MYH11: variants seen among roughly 807,000 people sequenced by gnomAD.
MYH11 encodes the protein myosin-11.
MYH11 carries 80 observed loss-of-function variants against 246.6 expected under a neutral mutation model. That is an observed-to-expected ratio of 0.32 (90% CI 0.27 to 0.39). MYH11 has a LOEUF of 0.39. Ranked by LOEUF, MYH11 falls within the 10% of genes least tolerant of loss-of-function variation. MYH11 has a pLI of 1.00. For synonymous variants in MYH11, 1,071 were observed against 1,015.5 expected (o/e 1.05, Z -1.04); for missense variants, 2,158 against 2,546.8 (o/e 0.85, Z 3.29).
At chr16:15,787,455 CA>C (rs34597191) in intron 4 of MYH11, among the ~76,000 whole-genome samples, 3,574 of 148,412 alleles carry the variant, frequency 0.024, 54 homozygotes, top group East Asian at 0.11. Flanking sequence ...TACATAGGTC[CA>C]AACAGGTTTA....
At chr16:15,747,333 AG>A (rs2041444622) in intron 19 of MYH11, among the ~76,000 whole-genome samples, 1 of 152,166 alleles carries the variant, frequency 6.6e-6, no homozygotes, top group Admixed American at 6.5e-5. Flanking sequence ...AAGGTTCATC[AG>A]CAAAAACTGG....
chr16:15,766,548 T>C (rs1394149009), intron 9 of MYH11, among the ~76,000 whole-genome samples: 1 of 152,088 alleles, frequency 6.6e-6, no homozygotes, highest in African/African-American at 2.4e-5. Flanking sequence ...ATTTTTCTAT[T>C]TTTAGTAGAG....
chr16:15,801,379 G>C (rs1004076873), intron 3 of MYH11, among the ~76,000 whole-genome samples: 2 of 152,032 alleles, frequency 1.3e-5, no homozygotes, highest in Non-Finnish European at 2.9e-5. Context: ...ATATAGGTAG[G>C]ATGCAGTGGT....
chr16:15,827,051 C>T, intron 2 of MYH11, among the ~76,000 whole-genome samples: 1 of 147,548 alleles, frequency 6.8e-6, no homozygotes, highest in Admixed American at 6.8e-5. Context: ...GACGGAGGTT[C>T]TCACCATCCC....
At chr16:15,728,361 TAAAAAC>T (rs145321971) in intron 27 of MYH11, among the ~76,000 whole-genome samples, 3,746 of 151,884 alleles carry the variant, frequency 0.025, 152 homozygotes, top group African/African-American at 0.082. Context: ...ATCCTAAACT[TAAAAAC>T]AAAAACAAAA....
At chr16:15,833,094 C>A (rs2043786418) in intron 2 of MYH11, among the ~76,000 whole-genome samples, 1 of 150,790 alleles carries the variant, frequency 6.6e-6, no homozygotes, top group African/African-American at 2.4e-5. Context: ...CTCAGGAGTT[C>A]GAGATCTGTT....
intron 3 of MYH11, among the ~76,000 whole-genome samples, chr16:15,818,041 G>A (rs2043306614): frequency 6.6e-6 from 1 of 152,218 alleles, no homozygotes; most frequent in African/African-American, 2.4e-5. Flanking sequence ...TGATGCACAT[G>A]CAAGAAGGAT....
intron 6 of MYH11, chr16:15,779,064 T>C (rs1020515411): frequency 1.6e-6 from 1 of 642,844 alleles, no homozygotes; most frequent in African/African-American, 1.8e-5. Flanking sequence ...TAAAACATGT[T>C]CACAGATCAA....
At chr16:15,835,656 T>C (rs2043870795) in intron 2 of MYH11, among the ~76,000 whole-genome samples, 1 of 152,080 alleles carries the variant, frequency 6.6e-6, no homozygotes, top group Non-Finnish European at 1.5e-5. Context: ...CTAGTAACAC[T>C]TAACATTTTC....
chr16:15,719,028 T>C, intron 36 of MYH11, 192 bp downstream of exon 36: 1 of 645,502 alleles, frequency 1.5e-6, no homozygotes, highest in African/African-American at 1.8e-5. Context: ...CTCAGAAGGC[T>C]GAGGCAGGAG....
chr16:15,826,254 C>T (rs2043562021), intron 2 of MYH11, among the ~76,000 whole-genome samples: 1 of 152,078 alleles, frequency 6.6e-6, no homozygotes, highest in African/African-American at 2.4e-5. Flanking sequence ...GATCCCAGCC[C>T]TCAAGGGCCT....
intron 1 of MYH11, among the ~76,000 whole-genome samples, chr16:15,854,135 T>C (rs182932138): frequency 5.2e-4 from 79 of 152,312 alleles, no homozygotes; most frequent in Middle Eastern, 6.8e-3. Context: ...TAATCACCAC[T>C]TTCAGCCCAA....
intron 5 of MYH11, chr16:15,785,955 C>T (rs35585886): frequency 0.025 from 4,271 of 173,052 alleles, 69 homozygotes; most frequent in East Asian, 0.11. Context: ...CCCCAGGTCC[C>T]CACCCCAAGT....
chr16:15,810,073 G>A (rs1210069002), intron 3 of MYH11, among the ~76,000 whole-genome samples: 1 of 150,854 alleles, frequency 6.6e-6, no homozygotes. Context: ...TGCTCTTGTT[G>A]CCCAGGCTGG....
At chr16:15,843,677 A>G (rs215578) in intron 1 of MYH11, among the ~76,000 whole-genome samples, 88,142 of 149,474 alleles carry the variant, frequency 0.59, 27,210 homozygotes, top group Admixed American at 0.68. Flanking sequence ...TCCAGCCTGG[A>G]CGACAGAGTG....
chr16:15,738,525 T>C, intron 24 of MYH11, 40 bp downstream of exon 24: 2 of 1,565,666 alleles, frequency 1.3e-6, no homozygotes, highest in Non-Finnish European at 8.7e-7. Flanking sequence ...AAAAAAATAA[T>C]AAAATAAAAT....
At chr16:15,745,027 C>T in intron 20 of MYH11, 102 bp downstream of exon 20, 1 of 892,526 alleles carries the variant, frequency 1.1e-6, no homozygotes, top group Non-Finnish European at 1.9e-6. Flanking sequence ...GCCCTCCATT[C>T]CACACCCACT....
At position 15,773,191 on chromosome 16, in the gene MYH11, C is replaced by T. The variant is rs551730481; in HGVS notation, c.890-1479G>A. ...GGCAAAGCACAATCGCTGTAATAGG[C>T]GATTTCTGGATATGTCAAGTTTAGA... On this transcript the variant is annotated intron_variant, in intron 8 of 40. Transcript: ENST00000300036. 6.6e-4 allele frequency among the ~76,000 whole-genome samples: 100 copies of T among 151,574 alleles called. 1 individual carries two copies. In the Middle Eastern group the frequency reaches 0.01, roughly 15 times the overall value.
intron 4 of MYH11, among the ~76,000 whole-genome samples, chr16:15,789,833 A>G (rs2042567085): frequency 6.6e-6 from 1 of 152,240 alleles, no homozygotes; most frequent in Admixed American, 6.5e-5. Context: ...GTGGTCATGA[A>G]CCTATTCAGA....
Sources: gnomAD v4.1 joint callset for allele counts (sites outside exome capture counted in the v4.1 genomes callset) on GRCh38, gnomAD v4.1.1 for gene constraint, MANE v1.5 for transcripts, NCBI Gene and HGNC (gene_info 2026-07-23, HGNC 2026-07-21) for gene names.